The following UBXN2A variants were observed in gnomAD, a reference collection of about 807,000 sequenced individuals.
The protein encoded by UBXN2A is UBX domain-containing protein 2A.
Under a neutral mutation model 28.4 loss-of-function variants are expected in UBXN2A, and 28 were observed. The ratio of observed to expected loss-of-function variants is 0.99; its 90% CI spans 0.73 to 1.35. The LOEUF (loss-of-function observed/expected upper bound fraction) is 1.35. UBXN2A is among the 40% of genes most tolerant of loss of function. UBXN2A has a pLI of 0.00. For missense variants in UBXN2A, 253 were observed against 297.9 expected, an observed-to-expected ratio of 0.85 and a Z score of 1.11; for synonymous variants, 97 against 103.6, an observed-to-expected ratio of 0.94 and a Z score of 0.39.
At chr2:23,986,613 C>CTTTTTT (rs1240438686) in intron 6 of UBXN2A, among the ~76,000 whole-genome samples, 1 of 137,816 alleles carries the variant, frequency 7.3e-6, no homozygotes, top group Non-Finnish European at 1.6e-5. Context: ...TTCCTAAAAG[C>CTTTTTT]TTTTTTTTTT....
intron 1 of UBXN2A, among the ~76,000 whole-genome samples, chr2:23,953,333 C>G (rs184501531): frequency 1.3e-5 from 2 of 152,210 alleles, no homozygotes; most frequent in Non-Finnish European, 2.9e-5. Flanking sequence ...CATTACCCAT[C>G]TTGATGATTA....
At chr2:23,993,223 GTTA>G (rs1367485060) in intron 6 of UBXN2A, among the ~76,000 whole-genome samples, 1 of 152,178 alleles carries the variant, frequency 6.6e-6, no homozygotes, top group African/African-American at 2.4e-5. Flanking sequence ...ATGGGGATTT[GTTA>G]TTCTGGCCCA....
rs1303447992 is a variant in UBXN2A, at chr2:23,969,728, G to T, written c.42-1548G>T. On this transcript the variant is annotated intron_variant, in intron 2 of 6. Coordinates refer to ENST00000309033, the MANE Select transcript of UBXN2A (RefSeq NM_181713.4). ...TGCCTGTAGAACCAGCTACTTGGGGGAGAATCACTTGAGTCCAGGAGGTTG... is the reference window on the plus strand; with the variant it reads ...TGCCTGTAGAACCAGCTACTTGGGGTAGAATCACTTGAGTCCAGGAGGTTG... 2.0e-5 allele frequency among the ~76,000 whole-genome samples: 3 copies of T among 152,138 alleles called. No individual in the cohort carries two copies. The East Asian group carries it at 5.8e-4, about 29-fold the overall frequency.
intron 1 of UBXN2A, chr2:23,944,151 C>CAA: frequency 2.0e-6 from 2 of 1,024,874 alleles, no homozygotes; most frequent in Admixed American, 1.7e-5. Context: ...ACTTGGAACT[C>CAA]ATTGGTCCCT....
chr2:23,997,867 C>CA (rs1331819160), intron 6 of UBXN2A, among the ~76,000 whole-genome samples: 2 of 150,378 alleles, frequency 1.3e-5, no homozygotes, highest in Non-Finnish European at 3.0e-5. Context: ...GGCTGGAGTG[C>CA]AGTGGCGTCA....
chr2:23,948,328 A>C (rs1706196428), intron 1 of UBXN2A, among the ~76,000 whole-genome samples: 1 of 139,608 alleles, frequency 7.2e-6, no homozygotes, highest in Non-Finnish European at 1.5e-5. Context: ...ATCTCGGCTC[A>C]CTGCAACCTC....
chr2:23,932,057 C>T (rs1021099033), intron 1 of UBXN2A, among the ~76,000 whole-genome samples: 3 of 151,660 alleles, frequency 2.0e-5, no homozygotes, highest in Admixed American at 6.6e-5. Context: ...CAGTGGTTCT[C>T]GCCTGTAATC....
chr2:23,945,088 G>T (rs769525779), intron 1 of UBXN2A, among the ~76,000 whole-genome samples: 4 of 151,986 alleles, frequency 2.6e-5, no homozygotes, highest in Non-Finnish European at 4.4e-5. Flanking sequence ...TAAAAAAAAG[G>T]GGGGAGGGCC....
chr2:23,937,042 A>G (rs1433565453), upstream of UBXN2A, among the ~76,000 whole-genome samples: 1 of 150,512 alleles, frequency 6.6e-6, no homozygotes, highest in African/African-American at 2.5e-5. Context: ...TCTTAAGTCT[A>G]GTAATAGAGT....
upstream of UBXN2A, among the ~76,000 whole-genome samples, chr2:23,938,382 C>G (rs1216777283): frequency 6.6e-6 from 1 of 152,028 alleles, no homozygotes; most frequent in Non-Finnish European, 1.5e-5. Context: ...AGGAGAATCA[C>G]TAGAACCTGG....
intron 6 of UBXN2A, among the ~76,000 whole-genome samples, chr2:23,996,293 C>G (rs543093442): frequency 2.2e-4 from 34 of 151,892 alleles, no homozygotes; most frequent in Non-Finnish European, 3.8e-4. Context: ...TCTTGAACTC[C>G]TGAACTCAGG....
chr2:23,979,172 A>G (rs1231253014), intron 4 of UBXN2A, among the ~76,000 whole-genome samples: 1 of 151,696 alleles, frequency 6.6e-6, no homozygotes, highest in Non-Finnish European at 1.5e-5. Flanking sequence ...GGAAAACCCC[A>G]TCTCTACTAA....
intron 1 of UBXN2A, among the ~76,000 whole-genome samples, chr2:23,953,767 C>A (rs1463231658): frequency 6.6e-6 from 1 of 152,106 alleles, no homozygotes; most frequent in Non-Finnish European, 1.5e-5. Flanking sequence ...TTGTTGATTG[C>A]ATTCTTGTGA....
At chr2:23,970,514 ACT>A (rs1707370114) in intron 2 of UBXN2A, among the ~76,000 whole-genome samples, 1 of 152,074 alleles carries the variant, frequency 6.6e-6, no homozygotes, top group South Asian at 2.1e-4. Flanking sequence ...GTGATCCCCA[ACT>A]TTTTTGGCAC....
At chr2:23,966,223 C>T (rs1707155233) in intron 2 of UBXN2A, among the ~76,000 whole-genome samples, 1 of 152,098 alleles carries the variant, frequency 6.6e-6, no homozygotes, top group African/African-American at 2.4e-5. Flanking sequence ...ACTGCAACCT[C>T]CGCCTCCCAG....
intron 6 of UBXN2A, among the ~76,000 whole-genome samples, chr2:23,996,514 T>A (rs1708539271): frequency 6.6e-6 from 1 of 151,316 alleles, no homozygotes. Context: ...TTCGCTCTTG[T>A]TGCCCAGGCT....
chr2:23,987,619 A>T (rs1272571213), intron 6 of UBXN2A, among the ~76,000 whole-genome samples: 1 of 151,932 alleles, frequency 6.6e-6, no homozygotes, highest in East Asian at 1.9e-4. Context: ...TCTACTAAAA[A>T]TACAAAAAAT....
intron 3 of UBXN2A, among the ~76,000 whole-genome samples, chr2:23,973,309 G>C (rs1040372329): frequency 6.7e-6 from 1 of 148,970 alleles, no homozygotes; most frequent in Non-Finnish European, 1.5e-5. Flanking sequence ...GTGAGCCACC[G>C]CACCTGGCCT....
At chr2:23,974,278 A>C (rs1321346416) in intron 3 of UBXN2A, among the ~76,000 whole-genome samples, 5 of 151,230 alleles carry the variant, frequency 3.3e-5, no homozygotes. Flanking sequence ...CAGCCTCCCA[A>C]AGTGCTAGGA....
Sources: gnomAD v4.1 joint callset for allele counts (sites outside exome capture counted in the v4.1 genomes callset) on GRCh38, gnomAD v4.1.1 for gene constraint, MANE v1.5 for transcripts, NCBI Gene and HGNC (gene_info 2026-07-23, HGNC 2026-07-21) for gene names.